Variants in C5 observed in about 807,000 individuals in gnomAD.
The protein encoded by C5 is C3 and PZP-like alpha-2-macroglobulin domain-containing protein 4.
A neutral mutation model predicts 218.8 loss-of-function variants in C5; 140 were observed. That is an observed-to-expected ratio of 0.64 (90% confidence interval 0.56 to 0.74). The LOEUF (loss-of-function observed/expected upper bound fraction) is 0.74. Among genes scored for constraint, C5 ranks in the 30% least tolerant of loss-of-function variants. The pLI, the probability that C5 is intolerant of heterozygous loss-of-function variation, is 0.00. For synonymous variants in C5, 614 were observed against 682.3 expected, an observed-to-expected ratio of 0.90 and a Z score of 1.56; for missense variants, 1,700 against 1,969.6, an observed-to-expected ratio of 0.86 and a Z score of 2.59.
chr9:120,981,903 A>G lies in C5; in HGVS notation c.3427T>C (p.Tyr1143His), dbSNP rs1048623796. ...CCAATCACAGTAAAGGCTGTAAGAT[A>G]TAAGCTGTTCTCTCGGGCTTCAACA... ...LPVEARENSL[Y>H]LTAFTVIGIR... Residue 1143 changes from tyrosine to histidine, a missense_variant, in exon 27 of 41, where the codon TAT becomes CAT. Tyr to His is a moderately conservative substitution (Grantham distance 83). Coordinates refer to ENST00000223642, the MANE Select transcript of C5 (RefSeq NM_001735.3). The G allele has an allele frequency of 6.2e-7, 1 of 1,614,114 alleles. No homozygotes were observed. The highest frequency in any genetic ancestry group is 1.7e-5 in the Admixed American group (1 of 60,020).
intron 10 of C5, 35 bp from the exon 11 acceptor site, chr9:121,021,729 G>A: frequency 1.3e-6 from 2 of 1,485,798 alleles, no homozygotes; most frequent in South Asian, 2.3e-5. Context: ...TATTTCAACA[G>A]CTCATCACTT....
chr9:121,028,918 GA>G lies in C5; in HGVS notation c.758+1478del, dbSNP rs369539659. On this transcript the variant is annotated intron_variant, in intron 7 of 40. Transcript: ENST00000223642. ...ACATTAATAAAGCTATGTGCTAGAT[GA>G]AAAAAATTGATCTTGGGGAGATCAC... Among the ~76,000 whole-genome samples, 62 of 152,162 alleles carry G rather than the reference GA, an allele frequency of 4.1e-4. 1 individual carries two copies. The highest frequency in any genetic ancestry group is 1.4e-3 in the African/African-American group (59 of 41,516).
At chr9:121,041,181 T>C (rs2047575929) in intron 3 of C5, among the ~76,000 whole-genome samples, 1 of 150,760 alleles carries the variant, frequency 6.6e-6, no homozygotes, top group Non-Finnish European at 1.5e-5. Context: ...TGACCTCAAG[T>C]GATCCACCCG....
intron 25 of C5, among the ~76,000 whole-genome samples, chr9:120,987,990 A>G (rs948148870): frequency 6.6e-6 from 1 of 152,012 alleles, no homozygotes; most frequent in African/African-American, 2.4e-5. Context: ...ACGGGGTTTC[A>G]CCATGTTGGC....
intron 9 of C5, 22 bp from the exon 10 acceptor site, chr9:121,023,541 T>C (rs1308399680): frequency 3.6e-6 from 5 of 1,380,832 alleles, no homozygotes; most frequent in Admixed American, 1.7e-5. Flanking sequence ...GCAAGCATCA[T>C]GTTGACAGTT....
At chr9:121,066,915 A>G in the C5 span, among the ~76,000 whole-genome samples, 1 of 151,780 alleles carries the variant, frequency 6.6e-6, no homozygotes, top group Non-Finnish European at 1.5e-5. Context: ...CAGAAAAAGC[A>G]TCTTACAAAG....
At chr9:121,072,431 C>T in the C5 span, among the ~76,000 whole-genome samples, 1 of 152,032 alleles carries the variant, frequency 6.6e-6, no homozygotes, top group East Asian at 1.9e-4. Context: ...CGATGGGTGT[C>T]AAAACATATG....
At chr9:121,070,819 T>C in the C5 span, among the ~76,000 whole-genome samples, 1 of 152,108 alleles carries the variant, frequency 6.6e-6, no homozygotes, top group East Asian at 1.9e-4. Context: ...CTATACTTAC[T>C]ATAGGATGAG....
intron 5 of C5, among the ~76,000 whole-genome samples, chr9:121,032,619 C>T (rs1313315156): frequency 2.6e-5 from 4 of 152,116 alleles, no homozygotes; most frequent in African/African-American, 9.7e-5. Context: ...AAATTTACAC[C>T]TCACAAAAAT....
chr9:121,073,094 A>T, the C5 span, among the ~76,000 whole-genome samples: 3 of 152,180 alleles, frequency 2.0e-5, no homozygotes, highest in Non-Finnish European at 4.4e-5. Context: ...TATAGAGGTG[A>T]AGCCATCTCT....
At chr9:120,958,941 A>G (rs1233064628) in intron 38 of C5, among the ~76,000 whole-genome samples, 1 of 152,062 alleles carries the variant, frequency 6.6e-6, no homozygotes, top group African/African-American at 2.4e-5. Context: ...ATGAGCCATC[A>G]ACGCACAGCT....
chr9:120,980,216 CA>C lies in C5; in HGVS notation c.3524del (p.Leu1175ArgfsTer38), dbSNP rs2046981758. 6.2e-7 allele frequency: 1 copy of C among 1,613,988 alleles called. No individual in the cohort carries two copies. The highest frequency in any genetic ancestry group is 8.5e-7 in the Non-Finnish European group (1 of 1,180,026). ...DTALIKADNF[L>X]LENTLPAQST... is the part of the protein sequence containing the mutation. ...TCTGGGCTGGCAGTGTATTTTCAAG[CA>C]GAAAGTTGTCAGCTTTAATTAGAGC... is the stretch of plus-strand genomic sequence containing the variant. On this transcript the variant is annotated frameshift_variant, in exon 28 of 41. Coordinates refer to ENST00000223642, the MANE Select transcript of C5 (RefSeq NM_001735.3). LOFTEE classifies it high-confidence loss of function.
At chr9:120,992,118 T>TAA (rs1207763527) in intron 22 of C5, among the ~76,000 whole-genome samples, 2 of 152,238 alleles carry the variant, frequency 1.3e-5, no homozygotes, top group East Asian at 3.8e-4. Context: ...TCATTCCAGC[T>TAA]GTAGTCCTGG....
intron 27 of C5, among the ~76,000 whole-genome samples, chr9:120,981,543 C>T (rs887867690): frequency 6.6e-6 from 1 of 152,156 alleles, no homozygotes; most frequent in Non-Finnish European, 1.5e-5. Context: ...TTCTTCCATC[C>T]CAGTCCCAGC....
intron 31 of C5, among the ~76,000 whole-genome samples, chr9:120,971,660 A>T (rs981297565): frequency 2.0e-5 from 3 of 152,114 alleles, no homozygotes; most frequent in Admixed American, 6.5e-5. Context: ...GGTGGTCTTG[A>T]TCTCCTGACC....
At chr9:120,977,717 G>A (rs2046963852) in intron 28 of C5, among the ~76,000 whole-genome samples, 1 of 152,192 alleles carries the variant, frequency 6.6e-6, no homozygotes, top group Admixed American at 6.5e-5. Flanking sequence ...ACTGCACCCG[G>A]CCTCAATCTG....
At chr9:121,052,453 G>GA (rs1192286050), upstream of C5, among the ~76,000 whole-genome samples, 1,915 of 63,178 alleles carry the variant, frequency 0.03, 46 homozygotes, top group African/African-American at 0.073. Context: ...CTCCATCTCA[G>GA]AAAAAAAAAA....
intron 39 of C5, among the ~76,000 whole-genome samples, chr9:120,955,875 C>T (rs749033948): frequency 1.3e-5 from 2 of 149,628 alleles, no homozygotes; most frequent in Non-Finnish European, 3.0e-5. Flanking sequence ...GACCCCGTCT[C>T]AAAAGAAAAA....
At chr9:120,961,204 T>C (rs973415880) in intron 37 of C5, among the ~76,000 whole-genome samples, 1 of 152,100 alleles carries the variant, frequency 6.6e-6, no homozygotes, top group Non-Finnish European at 1.5e-5. Flanking sequence ...AAAGACTAGG[T>C]GAAAGTAAAA....
Sources: gnomAD v4.1 joint callset for allele counts (sites outside exome capture counted in the v4.1 genomes callset) on GRCh38, gnomAD v4.1.1 for gene constraint, MANE v1.5 for transcripts, NCBI Gene and HGNC (gene_info 2026-07-23, HGNC 2026-07-21) for gene names.